The following ANKRD37 variants were observed in gnomAD, a reference collection of about 807,000 sequenced individuals.
ANKRD37 encodes ankyrin repeat domain 37.
ANKRD37 carries 17 observed loss-of-function variants against 19.7 expected under a neutral mutation model. The observed-to-expected ratio is 0.86, with a 90% confidence interval of 0.59 to 1.29. The LOEUF (loss-of-function observed/expected upper bound fraction) is 1.29. Ranked by LOEUF, ANKRD37 falls within the 50% of genes most tolerant of loss-of-function variation. The pLI is 0.00. For synonymous variants in ANKRD37, 79 were observed against 74.5 expected (o/e 1.06, Z -0.31); for missense variants, 207 against 190.4 (o/e 1.09, Z -0.51).
Position 185,399,630 on chromosome 4 carries a change from C to T in ANKRD37, c.333C>T (p.Asp111=). 3.1e-6 allele frequency: 5 copies of T among 1,614,158 alleles called. No individual in the cohort carries two copies. Among genetic ancestry groups the T allele is most frequent in the Non-Finnish European group, 4.2e-6 (5 of 1,180,020 alleles). Residue 111 remains aspartate (D), a synonymous_variant, in exon 4 of 5, where the codon GAC becomes GAT. Transcript: ENST00000335174. The part of the protein sequence containing the change: ...EDLAWSCGFP[D]CAKFLTTIKC... ...TCGCTTGGTCATGTGGATTTCCAGA[C>T]TGTGCCAAGTTTCTTACAACAATTA...
intron 2 of ANKRD37, 77 bp from the exon 3 acceptor site, chr4:185,398,860 C>A: frequency 9.4e-7 from 1 of 1,058,698 alleles, no homozygotes; most frequent in South Asian, 1.3e-5. Context: ...CCTTAAATAG[C>A]TAATATTAAA....
At chr4:185,397,356 C>A in intron 2 of ANKRD37, 54 bp downstream of exon 2, 1 of 1,582,168 alleles carries the variant, frequency 6.3e-7, no homozygotes, top group Non-Finnish European at 8.6e-7. Flanking sequence ...CAGACACACA[C>A]AAACATTTCT....
Position 185,400,062 on chromosome 4 carries a change from T to G in ANKRD37, c.*45T>G, listed in dbSNP as rs150877173. Reference sequence around the variant, plus strand: ...AAGTCTGAAGAACGCCTTCATTTCATGCAAATCTATAAGCTCCTGCTTTTG... The same window carrying G: ...AAGTCTGAAGAACGCCTTCATTTCAGGCAAATCTATAAGCTCCTGCTTTTG... On this transcript the variant is annotated 3_prime_UTR_variant, in exon 5 of 5. Coordinates refer to ENST00000335174, the MANE Select transcript of ANKRD37 (RefSeq NM_181726.4). 4 of 1,519,594 alleles carry G rather than the reference T, an allele frequency of 2.6e-6. No individual in the cohort carries two copies. Among genetic ancestry groups the G allele is most frequent in the Non-Finnish European group, 3.6e-6 (4 of 1,106,374 alleles). 94.1% of individuals were successfully genotyped at this position (1,519,594 alleles called of 1,614,324 possible).
chr4:185,397,277 A>G lies in ANKRD37; in HGVS notation c.155A>G (p.Gln52Arg), dbSNP rs1378819333. The G allele has an allele frequency of 2.5e-6, 4 of 1,614,070 alleles. No individual in the cohort carries two copies. The East Asian group carries it at 8.9e-5, about 36-fold the overall frequency. ...GCTTGCTTTCTTCTCTGGCAGCTGC[A>G]AACGGGCGCTGACCTCAACCAGCAG... ...GLACFLLWQL[Q>R]TGADLNQQDV... The change falls in exon 2 of 5, where the codon CAA becomes CGA. Residue 52 changes from glutamine to arginine, a missense_variant. Transcript: ENST00000335174.
Position 185,399,756 on chromosome 4 carries a change from T to C in ANKRD37, c.459T>C (p.Ser153=), listed in dbSNP as rs376936501. The change falls in exon 4 of 5, where the codon AGT becomes AGC. Residue 153 remains serine (S), a synonymous_variant. Coordinates refer to ENST00000335174, the MANE Select transcript of ANKRD37 (RefSeq NM_181726.4). ...KRSLGSVENT[S]GKRKC Reference sequence around the variant, plus strand: ...GTCTCGGAAGTGTAGAAAATACCAGTGGGAAAAGGAAGTGCTGGTAAGTAA... The same window carrying C: ...GTCTCGGAAGTGTAGAAAATACCAGCGGGAAAAGGAAGTGCTGGTAAGTAA... 125 of 1,614,100 alleles carry C rather than the reference T, an allele frequency of 7.7e-5. 1 individual carries two copies. In the African/African-American group the frequency reaches 1.5e-3, roughly 19 times the overall value.
downstream of ANKRD37, chr4:185,400,684 T>C (rs895021293): frequency 1.8e-5 from 7 of 398,526 alleles, no homozygotes; most frequent in Non-Finnish European, 2.7e-5. Context: ...TCTATGTATG[T>C]AATTCATCAT....
chr4:185,400,134 A>G lies in ANKRD37; in HGVS notation c.*117A>G, dbSNP rs2095511571. The G allele has an allele frequency of 1.0e-6, 1 of 981,578 alleles. No homozygotes were observed. Among genetic ancestry groups the G allele is most frequent in the African/African-American group, 1.7e-5 (1 of 60,408 alleles). The allele number at this position is 981,578 out of a possible 1,614,324, so 60.8% of individuals were successfully genotyped here. On this transcript the variant is annotated 3_prime_UTR_variant, in exon 5 of 5. Transcript: ENST00000335174. Reference sequence around the variant, plus strand: ...AATCTCCTTCTGAGAAGGACGAAAAACTTTCTTCCAAGTGAAGATCCATTT... The same window carrying G: ...AATCTCCTTCTGAGAAGGACGAAAAGCTTTCTTCCAAGTGAAGATCCATTT...
Position 185,400,177 on chromosome 4 carries a change from C to A in ANKRD37, c.*160C>A. 2.7e-6 allele frequency: 2 copies of A among 743,954 alleles called. No individual in the cohort carries two copies. The highest frequency in any genetic ancestry group is 1.9e-5 in the South Asian group (1 of 52,742). The allele number at this position is 743,954 out of a possible 1,614,324, so 46.1% of individuals were successfully genotyped here. A position where few individuals can be genotyped will look rare whatever the true frequency, so the allele number is the denominator to read the frequency against. On this transcript the variant is annotated 3_prime_UTR_variant, in exon 5 of 5. Transcript: ENST00000335174. ...ATCCATTTAAGAACACATGTATTTA[C>A]ATGCCTATAATATGCTGGTTGTGTA...
At chr4:185,399,547 C>T in intron 3 of ANKRD37, 23 bp from the exon 4 acceptor site, 1 of 1,611,994 alleles carries the variant, frequency 6.2e-7, no homozygotes, top group Non-Finnish European at 8.5e-7. Context: ...TTTCATTTCA[C>T]TCCGTTTTTA....
intron 2 of ANKRD37, 84 bp downstream of exon 2, chr4:185,397,386 C>T (rs2095506167): frequency 6.6e-7 from 1 of 1,521,864 alleles, no homozygotes; most frequent in African/African-American, 1.4e-5. Context: ...AGAGTTGTTT[C>T]AGCTGTTAAA....
chr4:185,400,557 G>A (rs2095512094), downstream of ANKRD37: 15 of 1,044,874 alleles, frequency 1.4e-5, no homozygotes, highest in Non-Finnish European at 2.2e-5. Flanking sequence ...ATCAGGCTCT[G>A]TCAGCAGGAC....
chr4:185,400,368 T>A (rs771618166), downstream of ANKRD37: 2 of 1,530,798 alleles, frequency 1.3e-6, no homozygotes, highest in African/African-American at 1.4e-5. Context: ...ACCACTCTAC[T>A]GCAGTCTTTG....
downstream of ANKRD37, chr4:185,400,484 T>C (rs2095511989): frequency 1.9e-6 from 3 of 1,608,480 alleles, no homozygotes; most frequent in East Asian, 4.5e-5. Context: ...CAGCCCTGGA[T>C]AGAGAAGACG....
At position 185,399,570 on chromosome 4, in the gene ANKRD37, T is replaced by C. The variant is rs2095510545; in HGVS notation, c.273T>C (p.Asp91=). The C allele has an allele frequency of 6.2e-7, 1 of 1,614,046 alleles. No individual in the cohort carries two copies. The highest frequency in any genetic ancestry group is 8.5e-7 in the Non-Finnish European group (1 of 1,180,004). ...CACTCCGTTTTTATCCTGTTTTCAG[T>C]TTATGTAATAAGAACGGGCAAACAG... is the stretch of plus-strand genomic sequence containing the variant. ...SLLVASDAQI[D]LCNKNGQTAE... The change falls in exon 4 of 5, where the codon GAT becomes GAC. Residue 91 remains aspartate (D), a splice_region_variant and synonymous_variant. Coordinates refer to ENST00000335174, the MANE Select transcript of ANKRD37 (RefSeq NM_181726.4).
In ANKRD37 at chr4:185,400,049, C is replaced by T. The variant is rs201769205; in HGVS notation, c.*32C>T. 8.5e-5 allele frequency: 133 copies of T among 1,559,946 alleles called. 1 individual carries two copies. The African/African-American group carries it at 1.5e-3, about 18-fold the overall frequency. ...GTGGGTTATGAAGAAGTCTGAAGAA[C>T]GCCTTCATTTCATGCAAATCTATAA... On this transcript the variant is annotated 3_prime_UTR_variant, in exon 5 of 5. Transcript: ENST00000335174.
At chr4:185,399,888 C>T in intron 4 of ANKRD37, 115 bp downstream of exon 4, 1 of 1,541,882 alleles carries the variant, frequency 6.5e-7, no homozygotes, top group South Asian at 1.2e-5. Flanking sequence ...GTTTCATTCT[C>T]ATTAACATTT....
chr4:185,397,181 G>A lies in ANKRD37; in HGVS notation c.59G>A (p.Gly20Glu). The A allele has an allele frequency of 6.2e-7, 1 of 1,613,730 alleles. No individual in the cohort carries two copies. The highest frequency in any genetic ancestry group is 1.3e-5 in the African/African-American group (1 of 75,032). Residue 20 changes from glycine (G) to glutamate (E), a missense_variant, in exon 2 of 5, where the codon GGG becomes GAG. Physicochemically the swap from Gly to Glu is moderately conservative, Grantham distance 98 (BLOSUM62 -2). Transcript: ENST00000335174. ...VDGLKHLLET[G>E]ASVNAPPDPC... ...GGTCTGAAGCATTTGCTGGAGACAG[G>A]GGCCTCGGTCAACGCACCCCCGGAT... is the stretch of plus-strand genomic sequence containing the variant.
intron 2 of ANKRD37, among the ~76,000 whole-genome samples, chr4:185,398,503 G>A (rs921017154): frequency 3.9e-5 from 6 of 152,274 alleles, no homozygotes; most frequent in African/African-American, 1.2e-4. Flanking sequence ...AAAGTATCTA[G>A]AAGATCTAAA....
rs764167541 is a variant in ANKRD37 at position 185,397,165 on chromosome 4, C to T, written c.43C>T (p.His15Tyr). ...DCNPEVDGLK[H>Y]LLETGASVNA... ...CTTCCTGCAGGTGGATGGTCTGAAG[C>T]ATTTGCTGGAGACAGGGGCCTCGGT... The change falls in exon 2 of 5, where the codon CAT (histidine) becomes TAT (tyrosine). Residue 15 changes from histidine to tyrosine, a missense_variant. By Grantham distance (83) the His-to-Tyr change is moderately conservative (BLOSUM62 2). Coordinates refer to ENST00000335174, the MANE Select transcript of ANKRD37 (RefSeq NM_181726.4). 8.1e-6 allele frequency: 13 copies of T among 1,613,450 alleles called. No individual in the cohort carries two copies. The highest frequency in any genetic ancestry group is 1.7e-6 in the Non-Finnish European group (2 of 1,180,010).
Sources: gnomAD v4.1 joint callset for allele counts (sites outside exome capture counted in the v4.1 genomes callset) on GRCh38, gnomAD v4.1.1 for gene constraint, MANE v1.5 for transcripts, NCBI Gene and HGNC (gene_info 2026-07-23, HGNC 2026-07-21) for gene names.